HABP4: variants seen among roughly 807,000 people sequenced by gnomAD.
HABP4 encodes intracellular hyaluronan-binding protein 4.
In HABP4, 32 loss-of-function variants were observed where a neutral mutation model predicts 44.1. The observed-to-expected ratio is 0.73, with a 90% CI of 0.55 to 0.97. The LOEUF is 0.97. Among genes scored for constraint, HABP4 ranks in the 50% least tolerant of loss-of-function variants. The pLI, the probability that HABP4 is intolerant of heterozygous loss-of-function variation, is 0.00. For synonymous variants in HABP4, 216 were observed against 218.0 expected, an observed-to-expected ratio of 0.99 and a Z score of 0.08; for missense variants, 503 against 561.9, an observed-to-expected ratio of 0.90 and a Z score of 1.06.
intron 2 of HABP4, among the ~76,000 whole-genome samples, chr9:96,462,094 C>T (rs983391204): frequency 2.7e-5 from 4 of 149,492 alleles, no homozygotes; most frequent in South Asian, 2.1e-4. Context: ...TGCAGTGAGC[C>T]GAGATCATGC....
chr9:96,452,353 AAAATGTATGAGGTT>A (rs1398172194), intron 1 of HABP4, among the ~76,000 whole-genome samples: 1 of 152,168 alleles, frequency 6.6e-6, no homozygotes, highest in Non-Finnish European at 1.5e-5. Context: ...AAGCAATTCC[AAAATGTATGAGGTT>A]AAGTGAAAAT....
At chr9:96,487,749 T>C (rs1327937181) in intron 6 of HABP4, among the ~76,000 whole-genome samples, 1 of 152,240 alleles carries the variant, frequency 6.6e-6, no homozygotes, top group Non-Finnish European at 1.5e-5. Flanking sequence ...TTGTTTGCTA[T>C]TATTAGTCAT....
chr9:96,483,062 C>T (rs1002895994), intron 5 of HABP4: 3 of 152,140 alleles, frequency 2.0e-5, no homozygotes, highest in Non-Finnish European at 2.9e-5. Context: ...TTTGAGGAAC[C>T]GCCAGACTGC....
chr9:96,472,650 A>G (rs1424045412), intron 5 of HABP4, among the ~76,000 whole-genome samples: 2 of 151,922 alleles, frequency 1.3e-5, no homozygotes, highest in African/African-American at 4.8e-5. Context: ...TTTTTGGTAT[A>G]TTCATCTCCT....
At chr9:96,452,181 C>A (rs897925015) in intron 1 of HABP4, among the ~76,000 whole-genome samples, 3 of 145,354 alleles carry the variant, frequency 2.1e-5, no homozygotes, top group Non-Finnish European at 4.4e-5. Flanking sequence ...GAGCCGAGAT[C>A]GAGCCACTGT....
rs182881246 is a variant in HABP4 at position 96,468,299 on chromosome 9, C to A, written c.743+2521C>A. Among the ~76,000 whole-genome samples, 216 of 150,782 alleles carry A rather than the reference C, an allele frequency of 1.4e-3. 3 individuals carry two copies. Among genetic ancestry groups the A allele is most frequent in the Middle Eastern group, 0.01 (3 of 290 alleles). ...CTGAGACAGAGTCTCACTCTGTTGC[C>A]CAGGCTGGAGTGCAGTGGCATGATC... On this transcript the variant is annotated intron_variant, in intron 4 of 7. Coordinates refer to ENST00000375249, the MANE Select transcript of HABP4 (RefSeq NM_014282.4).
In HABP4 at chr9:96,451,267, C is replaced by T. The variant is rs1832271272; in HGVS notation, c.349+639C>T. 2.0e-5 allele frequency among the ~76,000 whole-genome samples: 3 copies of T among 152,378 alleles called. No homozygotes were observed. In the South Asian group the frequency reaches 6.2e-4, roughly 32 times the overall value. On this transcript the variant is annotated intron_variant, in intron 1 of 7. Coordinates refer to ENST00000375249, the MANE Select transcript of HABP4 (RefSeq NM_014282.4). ...TGTGCAACTTATAAATAGCTCAAGG[C>T]TGCTTTAAGAAAAGCGTTTTTAACC...
intron 2 of HABP4, 78 bp from the exon 3 acceptor site, chr9:96,465,259 A>G: frequency 1.1e-6 from 1 of 887,390 alleles, no homozygotes; most frequent in Non-Finnish European, 1.8e-6. Flanking sequence ...TATAACCATG[A>G]TTTTCTTTTA....
Position 96,488,526 on chromosome 9 carries a change from C to T in HABP4, c.1185+252C>T, listed in dbSNP as rs16910886. On this transcript the variant is annotated intron_variant, in intron 7 of 7. Coordinates refer to ENST00000375249, the MANE Select transcript of HABP4 (RefSeq NM_014282.4). This position sits in a 1 kb window ranked among gnomAD's most constrained non-coding sequence, Gnocchi z 4.6. ...GGATCAGAGAGAAACTCACTGTCAC[C>T]CGCATTAGACAAGATCCCCAGGCTT... 4.7e-3 allele frequency among the ~76,000 whole-genome samples: 711 copies of T among 152,280 alleles called. 9 individuals carry two copies. Among genetic ancestry groups the T allele is most frequent in the South Asian group, 0.029 (138 of 4,824 alleles).
At chr9:96,456,331 C>T (rs770499730) in intron 1 of HABP4, among the ~76,000 whole-genome samples, 22 of 151,746 alleles carry the variant, frequency 1.4e-4, no homozygotes, top group Non-Finnish European at 2.4e-4. Context: ...AAAATGAGAC[C>T]GGTTAAGATT....
At chr9:96,470,987 A>G (rs766933116) in intron 4 of HABP4, 24 bp from the exon 5 acceptor site, 2 of 1,350,204 alleles carry the variant, frequency 1.5e-6, no homozygotes, top group Admixed American at 1.7e-5. Context: ...TTGTGTGACT[A>G]GAGAGGGTCT....
intron 4 of HABP4, among the ~76,000 whole-genome samples, chr9:96,468,440 T>C (rs890201205): frequency 6.6e-6 from 1 of 152,134 alleles, no homozygotes; most frequent in Non-Finnish European, 1.5e-5. Context: ...TTTGTATATT[T>C]AGTAGAGATG....
chr9:96,465,629 CT>C, intron 3 of HABP4, 80 bp from the exon 4 acceptor site: 1 of 1,196,640 alleles, frequency 8.4e-7, no homozygotes, highest in Non-Finnish European at 1.2e-6. Flanking sequence ...GATCCTGGGA[CT>C]TTTATGAACC....
intron 5 of HABP4, among the ~76,000 whole-genome samples, chr9:96,473,109 T>C (rs980616515): frequency 7.9e-5 from 12 of 152,204 alleles, no homozygotes; most frequent in African/African-American, 2.2e-4. Context: ...TAGGATCTTA[T>C]GCACTTCTGT....
At chr9:96,486,106 C>T (rs1236357533) in intron 6 of HABP4, among the ~76,000 whole-genome samples, 2 of 152,046 alleles carry the variant, frequency 1.3e-5, no homozygotes, top group Admixed American at 6.6e-5. Flanking sequence ...GCAGGAGAAT[C>T]GCTTGAACCC....
At chr9:96,457,226 C>T (rs1177049302) in intron 1 of HABP4, among the ~76,000 whole-genome samples, 3 of 151,962 alleles carry the variant, frequency 2.0e-5, no homozygotes, top group Non-Finnish European at 2.9e-5. Flanking sequence ...ATTAGCCAGG[C>T]GTGGTGGCGC....
chr9:96,479,875 A>C (rs1832846507), intron 5 of HABP4, among the ~76,000 whole-genome samples: 1 of 152,108 alleles, frequency 6.6e-6, no homozygotes, highest in African/African-American at 2.4e-5. Context: ...CCAATTTAAA[A>C]AAAATGCTGG....
At position 96,469,042 on chromosome 9, in the gene HABP4, A is replaced by G. The variant is rs150985508; in HGVS notation, c.744-1969A>G. On this transcript the variant is annotated intron_variant, in intron 4 of 7. Coordinates refer to ENST00000375249, the MANE Select transcript of HABP4 (RefSeq NM_014282.4). ...TTCCTATTTGAAGACGCTGACAGCAATAACTGGATTTAAGGACAAAGTGCC... is the reference window on the plus strand; with the variant it reads ...TTCCTATTTGAAGACGCTGACAGCAGTAACTGGATTTAAGGACAAAGTGCC... 1.7e-3 allele frequency among the ~76,000 whole-genome samples: 259 copies of G among 152,332 alleles called. 10 individuals carry two copies. The South Asian group carries it at 0.029, about 17-fold the overall frequency.
intron 5 of HABP4, among the ~76,000 whole-genome samples, chr9:96,474,150 T>G (rs1385705073): frequency 6.6e-6 from 1 of 152,194 alleles, no homozygotes; most frequent in Non-Finnish European, 1.5e-5. Context: ...TGATTGATGA[T>G]TGTGAAAGCT....
Sources: allele counts gnomAD v4.1 joint callset (sites outside exome capture counted in the v4.1 genomes callset), GRCh38; gene constraint gnomAD v4.1.1; non-coding constraint Gnocchi (gnomAD v3.1); transcripts MANE v1.5; gene names NCBI Gene and HGNC (gene_info 2026-07-23, HGNC 2026-07-21).